Variants in RBFOX1 observed in about 807,000 individuals in gnomAD.
RBFOX1 encodes RNA binding fox-1 homolog 1, also known as RNA binding protein fox-1 homolog 1.
A neutral mutation model predicts 57.7 loss-of-function variants in RBFOX1; 8 were observed. That is an observed-to-expected ratio of 0.14 (90% confidence interval 0.08 to 0.25). RBFOX1 has a LOEUF of 0.25. Ranked by LOEUF, RBFOX1 falls within the 10% of genes least tolerant of loss-of-function variation. RBFOX1 has a pLI of 1.00. For missense variants in RBFOX1, 611 were observed against 548.5 expected (o/e 1.11, Z -1.14); for synonymous variants, 326 against 222.4 (o/e 1.47, Z -4.15).
intron 2 of RBFOX1, among the ~76,000 whole-genome samples, chr16:5,492,250 A>G (rs976329488): frequency 2.6e-5 from 4 of 152,194 alleles, no homozygotes; most frequent in African/African-American, 9.7e-5. Context: ...ATGAGAGGAA[A>G]CCCACAGGTC....
intron 3 of RBFOX1, among the ~76,000 whole-genome samples, chr16:5,731,197 C>G (rs551979217): frequency 1.2e-4 from 18 of 151,702 alleles, no homozygotes; most frequent in African/African-American, 4.4e-4. Flanking sequence ...ACCAGTGTCA[C>G]CGTTATCATC....
intron 2 of RBFOX1, among the ~76,000 whole-genome samples, chr16:6,542,656 C>G (rs1475416369): frequency 3.3e-5 from 5 of 151,598 alleles, no homozygotes; most frequent in African/African-American, 1.2e-4. Context: ...TGCCTGGCGG[C>G]TAATTTTTTG....
rs142063669 is a variant in RBFOX1 at position 5,768,098 on chromosome 16, T to G, written c.319-99205T>G. 1.9e-3 allele frequency among the ~76,000 whole-genome samples: 284 copies of G among 152,326 alleles called. 3 individuals carry two copies. The highest frequency in any genetic ancestry group is 6.4e-3 in the African/African-American group (265 of 41,576). ...AGACTGCATTTAAATAAGCATTCTC[T>G]TCAAATAAACTTTCATTAAGTCAGA... is the stretch of plus-strand genomic sequence containing the variant. On this transcript the variant is annotated intron_variant, in intron 3 of 19. Coordinates refer to the RBFOX1 transcript ENST00000641259.
intron 1 of RBFOX1, among the ~76,000 whole-genome samples, chr16:6,207,082 C>T (rs1241799752): frequency 6.6e-6 from 1 of 151,728 alleles, no homozygotes; most frequent in East Asian, 1.9e-4. Flanking sequence ...ACCCAGCACA[C>T]ATTTTAGCTA....
intron 3 of RBFOX1, among the ~76,000 whole-genome samples, chr16:5,746,150 T>A (rs1311567428): frequency 6.6e-6 from 1 of 152,238 alleles, no homozygotes; most frequent in Non-Finnish European, 1.5e-5. Flanking sequence ...TTCAGCTTTC[T>A]CTATATGGCT....
chr16:6,692,648 T>C (rs1307753831), intron 3 of RBFOX1, among the ~76,000 whole-genome samples: 1 of 145,320 alleles, frequency 6.9e-6, no homozygotes, highest in East Asian at 2.0e-4. Context: ...TTTTTTTTTT[T>C]ACTGTTTCTT....
chr16:7,268,935 C>T (rs999700186), intron 4 of RBFOX1, among the ~76,000 whole-genome samples: 3 of 150,782 alleles, frequency 2.0e-5, no homozygotes, highest in South Asian at 2.1e-4. Flanking sequence ...TACTCAGGAG[C>T]CTGAGGCAGG....
chr16:5,273,835 T>C (rs568063778), intron 1 of RBFOX1, among the ~76,000 whole-genome samples: 1 of 152,194 alleles, frequency 6.6e-6, no homozygotes, highest in African/African-American at 2.4e-5. Context: ...TACCTGGCTT[T>C]CCAACAGTGT....
At chr16:7,067,446 C>G (rs1286454509) in intron 4 of RBFOX1, among the ~76,000 whole-genome samples, 3 of 141,746 alleles carry the variant, frequency 2.1e-5, no homozygotes, top group African/African-American at 7.7e-5. Flanking sequence ...GGAGAGAATC[C>G]TTTTTTTTTT....
chr16:6,224,489 C>T (rs984108219), intron 1 of RBFOX1, among the ~76,000 whole-genome samples: 1 of 151,936 alleles, frequency 6.6e-6, no homozygotes, highest in Non-Finnish European at 1.5e-5. Context: ...GTCTATGGAC[C>T]ACACTTGGAG....
At chr16:6,859,111 G>GTATGTA (rs2058427217) in intron 3 of RBFOX1, among the ~76,000 whole-genome samples, 1 of 65,126 alleles carries the variant, frequency 1.5e-5, no homozygotes, top group South Asian at 4.7e-4. Context: ...TAAAAAAAGT[G>GTATGTA]TATATATATA....
chr16:7,103,071 C>CA (rs397767938), intron 4 of RBFOX1, among the ~76,000 whole-genome samples: 58,588 of 146,852 alleles, frequency 0.4, 11,522 homozygotes, highest in African/African-American at 0.43. Context: ...ATCTTTGCCT[C>CA]AAAAAAAAAA....
At chr16:6,470,745 T>A (rs1468293075) in intron 2 of RBFOX1, among the ~76,000 whole-genome samples, 1 of 152,218 alleles carries the variant, frequency 6.6e-6, no homozygotes, top group Non-Finnish European at 1.5e-5. Context: ...GTAACAGTGA[T>A]CTAGGAGTTG....
At chr16:6,987,593 C>T (rs563428796) in intron 3 of RBFOX1, among the ~76,000 whole-genome samples, 105 of 152,160 alleles carry the variant, frequency 6.9e-4, no homozygotes, top group African/African-American at 2.4e-3. Context: ...ACAAACTTAC[C>T]TGCAATCTCA....
chr16:6,719,603 G>T (rs1030005331), intron 3 of RBFOX1, among the ~76,000 whole-genome samples: 17 of 151,452 alleles, frequency 1.1e-4, no homozygotes, highest in Admixed American at 2.6e-4. Context: ...ACCACGCCCG[G>T]CTAATTTTTT....
At chr16:6,828,507 A>G (rs1036662601) in intron 3 of RBFOX1, among the ~76,000 whole-genome samples, 4 of 151,420 alleles carry the variant, frequency 2.6e-5, no homozygotes, top group African/African-American at 4.9e-5. Flanking sequence ...CTGGCAACAG[A>G]GCGAGACGTG....
At chr16:7,708,341 C>T (rs1450605729) in intron 14 of RBFOX1, among the ~76,000 whole-genome samples, 2 of 152,152 alleles carry the variant, frequency 1.3e-5, no homozygotes, top group Admixed American at 1.3e-4. Context: ...ATACCAGAAG[C>T]CATGGCAGGT....
At chr16:6,376,715 A>C (rs1263088717) in intron 2 of RBFOX1, among the ~76,000 whole-genome samples, 2 of 152,198 alleles carry the variant, frequency 1.3e-5, no homozygotes, top group Non-Finnish European at 2.9e-5. Context: ...AAGAAGTATC[A>C]GAAGCTCAGT....
At chr16:6,800,524 C>G (rs1343186231) in intron 3 of RBFOX1, among the ~76,000 whole-genome samples, 1 of 152,006 alleles carries the variant, frequency 6.6e-6, no homozygotes, top group Admixed American at 6.6e-5. Context: ...GATTCAAAAG[C>G]CGCCCTTCCG....
Sources: allele counts gnomAD v4.1 joint callset (sites outside exome capture counted in the v4.1 genomes callset), GRCh38; gene constraint gnomAD v4.1.1; transcripts MANE v1.5; gene names NCBI Gene and HGNC (gene_info 2026-07-23, HGNC 2026-07-21).